The following CMIP variants were observed in gnomAD, a reference collection of about 807,000 sequenced individuals.
CMIP encodes c-Maf inducing protein.
In CMIP, 13 loss-of-function variants were observed where a neutral mutation model predicts 97.3. That is an observed-to-expected ratio of 0.13 (90% CI 0.09 to 0.21). CMIP has a LOEUF of 0.21. Among genes scored for constraint, CMIP ranks in the 10% least tolerant of loss-of-function variants. The pLI, the probability that CMIP is intolerant of heterozygous loss-of-function variation, is 1.00. For synonymous variants in CMIP, 538 were observed against 436.3 expected (o/e 1.23, Z -2.91); for missense variants, 847 against 1,024.9 (o/e 0.83, Z 2.37).
chr16:81,456,897 G>T (rs868047944), intron 1 of CMIP, among the ~76,000 whole-genome samples: 1 of 152,204 alleles, frequency 6.6e-6, no homozygotes, highest in Non-Finnish European at 1.5e-5. Context: ...TCCTGGGCCA[G>T]CTTCCTGCAG....
intron 1 of CMIP, among the ~76,000 whole-genome samples, chr16:81,535,769 C>G (rs1424393133): frequency 6.6e-6 from 1 of 152,136 alleles, no homozygotes; most frequent in Non-Finnish European, 1.5e-5. Context: ...ACCTTCCCCT[C>G]CCACCATAAA....
intron 1 of CMIP, among the ~76,000 whole-genome samples, chr16:81,588,987 A>C (rs1597120768): frequency 6.6e-6 from 1 of 152,192 alleles, no homozygotes; most frequent in Non-Finnish European, 1.5e-5. Flanking sequence ...TCTGTTCTCA[A>C]AGCTGTGTTC....
At chr16:81,512,411 C>G (rs1460478154) in intron 1 of CMIP, among the ~76,000 whole-genome samples, 1 of 152,202 alleles carries the variant, frequency 6.6e-6, no homozygotes, top group Non-Finnish European at 1.5e-5. Context: ...CCAGCAATCA[C>G]TGCTCAGGTG....
chr16:81,500,317 C>G (rs11641142), intron 1 of CMIP, among the ~76,000 whole-genome samples: 2,162 of 40,776 alleles, frequency 0.053, 36 homozygotes, highest in Middle Eastern at 0.091. Context: ...CTCCCTCCCT[C>G]CCTGCCTCCC....
intron 1 of CMIP, among the ~76,000 whole-genome samples, chr16:81,533,146 G>T (rs148049825): frequency 1.8e-4 from 28 of 152,188 alleles, no homozygotes; most frequent in African/African-American, 6.3e-4. Context: ...TTTTTCTCCT[G>T]AGCATATGTT....
chr16:81,521,119 G>A (rs1043597022), intron 1 of CMIP, among the ~76,000 whole-genome samples: 1 of 152,220 alleles, frequency 6.6e-6, no homozygotes, highest in African/African-American at 2.4e-5. Flanking sequence ...CAGGAGGAGG[G>A]CTTTTATACC....
At chr16:81,450,725 A>C (rs190835582) in intron 1 of CMIP, among the ~76,000 whole-genome samples, 129 of 152,362 alleles carry the variant, frequency 8.5e-4, no homozygotes, top group African/African-American at 3.0e-3. Context: ...CAGTTTAAGA[A>C]AAATTCCTTG....
rs1908571971 is a variant in CMIP, at chr16:81,709,915, TG to T, written c.*120del. ...CCTGGTGCCCTGGCTGTGAGATAGATGGGGAGTCTTTCTGGGGGCGGAGGGG... is the reference window on the plus strand; with the variant it reads ...CCTGGTGCCCTGGCTGTGAGATAGATGGGAGTCTTTCTGGGGGCGGAGGGG... On this transcript the variant is annotated 3_prime_UTR_variant, in exon 21 of 21. Transcript: ENST00000537098. 4 of 100,264 alleles carry T rather than the reference TG, an allele frequency of 4.0e-5. No homozygotes were observed. In the South Asian group the frequency reaches 4.1e-4, roughly 10 times the overall value. 6.2% of individuals were successfully genotyped at this position (100,264 alleles called of 1,614,324 possible).
chr16:81,593,668 C>T (rs1046742600), intron 1 of CMIP, among the ~76,000 whole-genome samples: 10 of 152,186 alleles, frequency 6.6e-5, no homozygotes, highest in African/African-American at 2.4e-4. Flanking sequence ...GACCACCTGG[C>T]GCGTCTGGGC....
Position 81,495,626 on chromosome 16 carries a change from A to G in CMIP, c.300+50085A>G. 3.4e-6 allele frequency: 3 copies of G among 879,416 alleles called. No homozygotes were observed. The South Asian group carries it at 4.9e-5, about 14-fold the overall frequency. 54.5% of individuals were successfully genotyped at this position (879,416 alleles called of 1,614,324 possible). On this transcript the variant is annotated intron_variant, in intron 1 of 20. Coordinates refer to ENST00000537098, the MANE Select transcript of CMIP (RefSeq NM_198390.3). ...AGAGGGTGGGCAGGTGTGTCTGCTA[A>G]TCTGAGAGACCCCAGGCCCCTTCTC...
intron 3 of CMIP, among the ~76,000 whole-genome samples, chr16:81,651,998 G>T (rs960846452): frequency 2.0e-5 from 3 of 152,110 alleles, no homozygotes; most frequent in African/African-American, 7.2e-5. Context: ...AGTGTCAGGA[G>T]GCCTGGCTGC....
Position 81,597,864 on chromosome 16 carries a change from G to C in CMIP, c.301-9703G>C, listed in dbSNP as rs778289440. The stretch of plus-strand genomic sequence containing the variant: ...TCAGGGATCATCTGTCTCCCCCCCA[G>C]CTTGATGGCTCTGTGATGGCAGAGC... On this transcript the variant is annotated intron_variant, in intron 1 of 20. Transcript: ENST00000537098. Among the ~76,000 whole-genome samples, 33 of 152,056 alleles carry C rather than the reference G, an allele frequency of 2.2e-4. 1 individual carries two copies. The highest frequency in any genetic ancestry group is 4.7e-4 in the Non-Finnish European group (32 of 68,012).
At chr16:81,675,612 A>T (rs1389171538) in intron 9 of CMIP, among the ~76,000 whole-genome samples, 3 of 152,174 alleles carry the variant, frequency 2.0e-5, no homozygotes, top group Non-Finnish European at 4.4e-5. Context: ...TTTCTGGGGT[A>T]TGGCCCAGGA....
At chr16:81,482,147 G>T (rs1015665596) in intron 1 of CMIP, among the ~76,000 whole-genome samples, 1 of 152,066 alleles carries the variant, frequency 6.6e-6, no homozygotes, top group Admixed American at 6.5e-5. Flanking sequence ...CCAAAGTGCT[G>T]GGATTATAGG....
intron 1 of CMIP, among the ~76,000 whole-genome samples, chr16:81,510,657 C>G (rs540493583): frequency 1.3e-5 from 2 of 152,242 alleles, no homozygotes; most frequent in East Asian, 3.9e-4. Flanking sequence ...CAGTCCAAGA[C>G]CAATGTTTTT....
At chr16:81,472,539 C>G (rs1260412922) in intron 1 of CMIP, among the ~76,000 whole-genome samples, 1 of 152,208 alleles carries the variant, frequency 6.6e-6, no homozygotes, top group Admixed American at 6.5e-5. Context: ...AGCTACATGC[C>G]ATGCCCTGTC....
chr16:81,482,107 G>C (rs2089233952), intron 1 of CMIP, among the ~76,000 whole-genome samples: 1 of 152,084 alleles, frequency 6.6e-6, no homozygotes, highest in Non-Finnish European at 1.5e-5. Flanking sequence ...TCGAACTACT[G>C]ACCGCAAGTG....
chr16:81,590,082 C>A (rs990958004), intron 1 of CMIP, among the ~76,000 whole-genome samples: 2 of 152,122 alleles, frequency 1.3e-5, no homozygotes, highest in Admixed American at 1.3e-4. Context: ...ACTAGGGCCT[C>A]AGGATAGACC....
chr16:81,575,692 C>T (rs1172635665), intron 1 of CMIP, among the ~76,000 whole-genome samples: 5 of 152,176 alleles, frequency 3.3e-5, no homozygotes, highest in African/African-American at 9.7e-5. Context: ...TAGCCCAAGA[C>T]ACCAGCATGT....
Sources: allele counts gnomAD v4.1 joint callset (sites outside exome capture counted in the v4.1 genomes callset), GRCh38; gene constraint gnomAD v4.1.1; transcripts MANE v1.5; gene names NCBI Gene and HGNC (gene_info 2026-07-23, HGNC 2026-07-21).